Variants in NAALADL2 observed in about 807,000 individuals in gnomAD.
NAALADL2 encodes N-acetylated alpha-linked acidic dipeptidase like 2, also known as inactive N-acetylated-alpha-linked acidic dipeptidase-like protein 2.
A neutral mutation model predicts 87.2 loss-of-function variants in NAALADL2; 76 were observed. The ratio of observed to expected loss-of-function variants is 0.87; its 90% CI spans 0.72 to 1.05. The LOEUF is 1.05. Among genes scored for constraint, NAALADL2 ranks in the 50% least tolerant of loss-of-function variants. The pLI is 0.00. For synonymous variants in NAALADL2, 354 were observed against 331.0 expected (o/e 1.07, Z -0.75); for missense variants, 1,089 against 945.8 (o/e 1.15, Z -1.99).
chr3:175,726,094 T>C (rs1240307097), intron 11 of NAALADL2, among the ~76,000 whole-genome samples: 4 of 151,968 alleles, frequency 2.6e-5, no homozygotes, highest in Admixed American at 2.6e-4. Context: ...AACACAAATA[T>C]ATTACAAAGT....
chr3:175,377,276 A>G (rs577694256), intron 5 of NAALADL2, among the ~76,000 whole-genome samples: 1 of 152,244 alleles, frequency 6.6e-6, no homozygotes, highest in East Asian at 1.9e-4. Context: ...CGTGCCACTG[A>G]ACTCCAGCCT....
At chr3:175,654,267 G>A (rs1419962802) in intron 11 of NAALADL2, among the ~76,000 whole-genome samples, 1 of 151,952 alleles carries the variant, frequency 6.6e-6, no homozygotes, top group Non-Finnish European at 1.5e-5. Flanking sequence ...GGACACATTT[G>A]TCTGCTTTAA....
chr3:175,180,117 T>G (rs1354134625), intron 2 of NAALADL2, among the ~76,000 whole-genome samples: 4 of 151,952 alleles, frequency 2.6e-5, no homozygotes, highest in African/African-American at 9.7e-5. Flanking sequence ...ATATTTAGCC[T>G]GTACTTTAAC....
At chr3:175,303,470 A>G (rs35499481) in intron 4 of NAALADL2, among the ~76,000 whole-genome samples, 1 of 151,906 alleles carries the variant, frequency 6.6e-6, no homozygotes, top group African/African-American at 2.4e-5. Context: ...CCAAAAAAAA[A>G]TTTCCCATAT....
At chr3:174,950,819 A>AATATTTCTATTCAAT (rs1740230210) in intron 1 of NAALADL2, among the ~76,000 whole-genome samples, 1 of 152,176 alleles carries the variant, frequency 6.6e-6, no homozygotes, top group African/African-American at 2.4e-5. Context: ...GGTCAAACTG[A>AATATTTCTATTCAAT]AAATTAAGGA....
At chr3:175,209,288 A>G (rs1267015934) in intron 2 of NAALADL2, among the ~76,000 whole-genome samples, 1 of 152,136 alleles carries the variant, frequency 6.6e-6, no homozygotes, top group Admixed American at 6.6e-5. Context: ...CAGAAAAAAA[A>G]GCATTTAGTT....
intron 2 of NAALADL2, among the ~76,000 whole-genome samples, chr3:174,648,763 T>G (rs1724059165): frequency 1.3e-5 from 2 of 152,194 alleles, no homozygotes; most frequent in African/African-American, 2.4e-5. Context: ...ATGTACTTGC[T>G]CTTTGAAAAT....
chr3:175,662,492 C>T (rs1013006722), intron 11 of NAALADL2, among the ~76,000 whole-genome samples: 1 of 151,778 alleles, frequency 6.6e-6, no homozygotes, highest in Non-Finnish European at 1.5e-5. Context: ...CTTTTTCTTA[C>T]CTAATTGCCC....
chr3:175,466,024 G>T (rs1249572601), intron 7 of NAALADL2, among the ~76,000 whole-genome samples: 2 of 152,148 alleles, frequency 1.3e-5, no homozygotes, highest in Non-Finnish European at 2.9e-5. Flanking sequence ...CCTTAGAGAT[G>T]AAAATACTAA....
At chr3:174,564,745 G>A (rs1260937634) in intron 2 of NAALADL2, among the ~76,000 whole-genome samples, 1 of 151,896 alleles carries the variant, frequency 6.6e-6, no homozygotes, top group Non-Finnish European at 1.5e-5. Context: ...TAACAAAATT[G>A]TCCTTCTAAT....
intron 5 of NAALADL2, among the ~76,000 whole-genome samples, chr3:175,367,643 T>C (rs554842450): frequency 1.3e-5 from 2 of 152,302 alleles, no homozygotes; most frequent in Non-Finnish European, 1.5e-5. Flanking sequence ...AGTTCACTCA[T>C]GATTTGGCTC....
intron 10 of NAALADL2, among the ~76,000 whole-genome samples, chr3:175,595,837 C>T (rs922853396): frequency 6.6e-6 from 1 of 151,896 alleles, no homozygotes; most frequent in Non-Finnish European, 1.5e-5. Context: ...ATAGATTCAA[C>T]ACTATGCCTA....
chr3:175,586,012 T>G (rs1197467113), intron 10 of NAALADL2, among the ~76,000 whole-genome samples: 1 of 152,192 alleles, frequency 6.6e-6, no homozygotes, highest in Non-Finnish European at 1.5e-5. Flanking sequence ...ATTAAAATGT[T>G]AAGAACAGGT....
rs530610309 is a variant in NAALADL2 at position 174,997,552 on chromosome 3, C to T, written c.44-99238C>T. Among the ~76,000 whole-genome samples, 7 of 152,170 alleles carry T rather than the reference C, an allele frequency of 4.6e-5. No individual in the cohort carries two copies. The South Asian group carries it at 1.2e-3, about 27-fold the overall frequency. On this transcript the variant is annotated intron_variant, in intron 1 of 13. Coordinates refer to ENST00000454872, the MANE Select transcript of NAALADL2 (RefSeq NM_207015.3). ...TAAAAGACAAGAGAGGGGCCGGGCA[C>T]GGTGGCTCATGCCTGTAATCCTAGC...
At chr3:175,656,662 C>G (rs1274028913) in intron 11 of NAALADL2, among the ~76,000 whole-genome samples, 1 of 152,010 alleles carries the variant, frequency 6.6e-6, no homozygotes, top group Non-Finnish European at 1.5e-5. Flanking sequence ...AATTCAAGCT[C>G]TTTCCTCAAA....
chr3:175,644,357 G>T (rs1729702707), intron 11 of NAALADL2, among the ~76,000 whole-genome samples: 1 of 151,660 alleles, frequency 6.6e-6, no homozygotes, highest in African/African-American at 2.4e-5. Context: ...TACCTATTCT[G>T]AGTAAATATT....
intron 1 of NAALADL2, among the ~76,000 whole-genome samples, chr3:174,996,047 C>T (rs1049777701): frequency 3.9e-5 from 6 of 151,994 alleles, no homozygotes; most frequent in South Asian, 4.1e-4. Flanking sequence ...TAATTTTCTT[C>T]GAGTTAAGGT....
intron 2 of NAALADL2, among the ~76,000 whole-genome samples, chr3:174,731,689 A>C (rs1440943373): frequency 6.6e-6 from 1 of 152,130 alleles, no homozygotes; most frequent in Non-Finnish European, 1.5e-5. Flanking sequence ...AGAATTTCTG[A>C]TCTGCAGTCT....
chr3:174,997,818 A>G (rs951106205), intron 1 of NAALADL2, among the ~76,000 whole-genome samples: 6 of 148,306 alleles, frequency 4.0e-5, no homozygotes, highest in Non-Finnish European at 1.5e-5. Context: ...CTCTGTCTCA[A>G]AAAAACCAAA....
Sources: allele counts gnomAD v4.1 joint callset (sites outside exome capture counted in the v4.1 genomes callset), GRCh38; gene constraint gnomAD v4.1.1; transcripts MANE v1.5; gene names NCBI Gene and HGNC (gene_info 2026-07-23, HGNC 2026-07-21).